The following NLK variants were observed in gnomAD, a reference collection of about 807,000 sequenced individuals.
The protein encoded by NLK is serine/threonine-protein kinase NLK.
In NLK, 11 loss-of-function variants were observed where a neutral mutation model predicts 59.0. The observed-to-expected ratio is 0.19, with a 90% CI of 0.12 to 0.31. NLK has a LOEUF of 0.31. Ranked by LOEUF, NLK falls within the 10% of genes least tolerant of loss-of-function variation. The pLI is 1.00. For synonymous variants in NLK, 235 were observed against 235.9 expected (o/e 1.00, Z 0.03); for missense variants, 410 against 661.1 (o/e 0.62, Z 4.16).
At chr17:28,121,408 C>T (rs1399226413) in intron 1 of NLK, among the ~76,000 whole-genome samples, 4 of 146,320 alleles carry the variant, frequency 2.7e-5, no homozygotes, top group African/African-American at 1.0e-4. Flanking sequence ...AAAAAAAGCT[C>T]TAGGTTAATT....
rs189976153 is a variant in NLK, at chr17:28,042,689, C to T, written c.-185C>T. ...TCCCTTTTTTTTCCTTTTGGCAACC[C>T]ACACCCTTCCACACACGCTCACCCC... On this transcript the variant is annotated 5_prime_UTR_variant, in exon 1 of 11. Coordinates refer to ENST00000407008, the MANE Select transcript of NLK (RefSeq NM_016231.5). The T allele has an allele frequency of 2.5e-4, 118 of 472,300 alleles. No individual in the cohort carries two copies. Among genetic ancestry groups the T allele is most frequent in the African/African-American group, 2.2e-3 (108 of 49,714 alleles). 29.3% of individuals were successfully genotyped at this position (472,300 alleles called of 1,614,324 possible).
chr17:28,131,977 C>T (rs1282700230), intron 2 of NLK, among the ~76,000 whole-genome samples: 1 of 152,114 alleles, frequency 6.6e-6, no homozygotes, highest in Non-Finnish European at 1.5e-5. Context: ...TAAGCACTGG[C>T]TTTTCTGTCT....
At chr17:28,084,651 C>T (rs966449062) in intron 1 of NLK, among the ~76,000 whole-genome samples, 2 of 152,122 alleles carry the variant, frequency 1.3e-5, no homozygotes, top group Non-Finnish European at 2.9e-5. Flanking sequence ...GCAACCTCCA[C>T]CTCCCAGGTT....
chr17:28,050,342 G>A (rs997497160), intron 1 of NLK, among the ~76,000 whole-genome samples: 2 of 152,164 alleles, frequency 1.3e-5, no homozygotes, highest in Non-Finnish European at 2.9e-5. Flanking sequence ...GCAGTGGGTG[G>A]TAGGAAGTGT....
chr17:28,115,023 A>G (rs1182452594), intron 1 of NLK, among the ~76,000 whole-genome samples: 1 of 152,218 alleles, frequency 6.6e-6, no homozygotes, highest in Non-Finnish European at 1.5e-5. Context: ...TTAGAACCCC[A>G]TGATGTCTGA....
Position 28,195,210 on chromosome 17 carries a change from T to A in NLK, c.*574T>A, listed in dbSNP as rs976351517. The A allele has an allele frequency of 6.6e-6, 1 of 152,030 alleles. No individual in the cohort carries two copies. The highest frequency in any genetic ancestry group is 2.4e-5 in the African/African-American group (1 of 41,394). 9.4% of individuals were successfully genotyped at this position (152,030 alleles called of 1,614,324 possible). A position where few individuals can be genotyped will look rare whatever the true frequency, so the allele number is the denominator to read the frequency against. On this transcript the variant is annotated 3_prime_UTR_variant, in exon 11 of 11. Transcript: ENST00000407008. ...ATCAAGCCCTATAATTAGCTTCTCATTAGAGCCGTGATGGTGATGTGTGCT... is the reference window on the plus strand; with the variant it reads ...ATCAAGCCCTATAATTAGCTTCTCAATAGAGCCGTGATGGTGATGTGTGCT...
intron 1 of NLK, among the ~76,000 whole-genome samples, chr17:28,105,886 C>A (rs2142796121): frequency 6.6e-6 from 1 of 152,328 alleles, no homozygotes; most frequent in Admixed American, 6.5e-5. Context: ...AAAGCCAAAG[C>A]CATAGCCCTG....
chr17:28,191,417 G>A (rs1415749110), intron 9 of NLK, among the ~76,000 whole-genome samples, 198 bp downstream of exon 9: 1 of 152,202 alleles, frequency 6.6e-6, no homozygotes, highest in Admixed American at 6.5e-5. Flanking sequence ...GGAGAGGAAT[G>A]AATATTTTGT....
chr17:28,154,798 CTGAGG>C (rs1907631510), intron 3 of NLK, among the ~76,000 whole-genome samples: 1 of 152,078 alleles, frequency 6.6e-6, no homozygotes, highest in Non-Finnish European at 1.5e-5. Context: ...CTTTGAGATA[CTGAGG>C]TGGGCAGATC....
chr17:28,149,842 C>G (rs1488141729), intron 3 of NLK, among the ~76,000 whole-genome samples: 1 of 152,180 alleles, frequency 6.6e-6, no homozygotes, highest in East Asian at 1.9e-4. Flanking sequence ...CTTGTACATG[C>G]TGCTATTCAA....
chr17:28,191,766 C>A lies in NLK; in HGVS notation c.1436-354C>A, dbSNP rs34846085. On this transcript the variant is annotated intron_variant, in intron 9 of 10. Coordinates refer to ENST00000407008, the MANE Select transcript of NLK (RefSeq NM_016231.5). ...CACCTGAAACTATACACCTAGATAC[C>A]AACTGAGGTCTTTAAGTGATCTTCA... Among the ~76,000 whole-genome samples, 792 of 152,248 alleles carry A rather than the reference C, an allele frequency of 5.2e-3. 13 individuals carry two copies. Among genetic ancestry groups the A allele is most frequent in the African/African-American group, 0.018 (730 of 41,552 alleles).
chr17:28,163,997 A>G (rs757055712), intron 5 of NLK, among the ~76,000 whole-genome samples: 1 of 152,244 alleles, frequency 6.6e-6, no homozygotes, highest in Non-Finnish European at 1.5e-5. Flanking sequence ...TAGGAAGACC[A>G]TTTACATTTT....
downstream of NLK, among the ~76,000 whole-genome samples, chr17:28,197,446 G>A (rs906852247): frequency 1.3e-5 from 2 of 149,500 alleles, no homozygotes; most frequent in African/African-American, 5.0e-5. Context: ...TCCAGACTGG[G>A]CAACAGAGTG....
intron 10 of NLK, among the ~76,000 whole-genome samples, chr17:28,194,174 TATTGAA>T (rs34041804): frequency 0.011 from 1,702 of 152,352 alleles, 28 homozygotes; most frequent in African/African-American, 0.039. Flanking sequence ...CCTGATTGAT[TATTGAA>T]ATTATTACTT....
intron 8 of NLK, among the ~76,000 whole-genome samples, chr17:28,185,531 A>G (rs1180577769): frequency 6.6e-6 from 1 of 152,104 alleles, no homozygotes; most frequent in Non-Finnish European, 1.5e-5. Context: ...GGAGTTTGAC[A>G]CCAAGTTAAG....
chr17:28,088,304 C>G (rs1166079422), intron 1 of NLK, among the ~76,000 whole-genome samples: 3 of 152,116 alleles, frequency 2.0e-5, no homozygotes, highest in African/African-American at 4.8e-5. Flanking sequence ...ATATTATAGA[C>G]ATTGATGATT....
intron 2 of NLK, among the ~76,000 whole-genome samples, chr17:28,130,596 G>C (rs1393400178): frequency 6.6e-6 from 1 of 152,114 alleles, no homozygotes; most frequent in Non-Finnish European, 1.5e-5. Context: ...AATATGTATG[G>C]TTGTCACTTT....
chr17:28,078,873 A>G (rs1910254915), intron 1 of NLK, among the ~76,000 whole-genome samples: 1 of 151,996 alleles, frequency 6.6e-6, no homozygotes, highest in African/African-American at 2.4e-5. Context: ...GATTTATTGT[A>G]CTCTTATGGA....
At chr17:28,046,012 A>G (rs1421575542) in intron 1 of NLK, among the ~76,000 whole-genome samples, 2 of 152,234 alleles carry the variant, frequency 1.3e-5, no homozygotes, top group African/African-American at 4.8e-5. Flanking sequence ...GCACTTTGCA[A>G]GTATTCTTCT....
Sources: allele counts gnomAD v4.1 joint callset (sites outside exome capture counted in the v4.1 genomes callset), GRCh38; gene constraint gnomAD v4.1.1; transcripts MANE v1.5; gene names NCBI Gene and HGNC (gene_info 2026-07-23, HGNC 2026-07-21).